The following TENM3 variants were observed in gnomAD, a reference collection of about 807,000 sequenced individuals.
TENM3 encodes teneurin-3.
A neutral mutation model predicts 255.1 loss-of-function variants in TENM3; 63 were observed. That is an observed-to-expected ratio of 0.25 (90% CI 0.20 to 0.30). The LOEUF (loss-of-function observed/expected upper bound fraction) is 0.30. Among genes scored for constraint, TENM3 ranks in the 10% least tolerant of loss-of-function variants. TENM3 has a pLI of 1.00. For missense variants in TENM3, 2,929 were observed against 3,461.1 expected, an observed-to-expected ratio of 0.85 and a Z score of 3.86; for synonymous variants, 1,306 against 1,322.3, an observed-to-expected ratio of 0.99 and a Z score of 0.27.
At chr4:182,442,959 A>G (rs1030481024) in intron 3 of TENM3, among the ~76,000 whole-genome samples, 1 of 151,926 alleles carries the variant, frequency 6.6e-6, no homozygotes, top group African/African-American at 2.4e-5. Flanking sequence ...TCCTGGGCTC[A>G]AATGATCCAT....
the TENM3 span, among the ~76,000 whole-genome samples, chr4:181,809,359 G>C: frequency 6.6e-6 from 1 of 152,162 alleles, no homozygotes; most frequent in Non-Finnish European, 1.5e-5. Flanking sequence ...CATAGGCCAT[G>C]AGTAACGTCA....
At chr4:182,031,651 C>G in the TENM3 span, among the ~76,000 whole-genome samples, 1 of 152,232 alleles carries the variant, frequency 6.6e-6, no homozygotes, top group South Asian at 2.1e-4. Context: ...GCAGTGTGGC[C>G]ATTTTCATGA....
chr4:181,670,101 T>C, the TENM3 span, among the ~76,000 whole-genome samples: 1 of 152,230 alleles, frequency 6.6e-6, no homozygotes, highest in Admixed American at 6.5e-5. Flanking sequence ...AAACAGCTTA[T>C]AATTTGACTT....
the TENM3 span, among the ~76,000 whole-genome samples, chr4:181,778,030 A>G: frequency 1.3e-5 from 2 of 152,128 alleles, no homozygotes; most frequent in East Asian, 1.9e-4. Flanking sequence ...AGAGCAATCC[A>G]TGTCTGCACA....
the TENM3 span, among the ~76,000 whole-genome samples, chr4:182,112,498 G>A: frequency 6.6e-6 from 1 of 152,134 alleles, no homozygotes; most frequent in Non-Finnish European, 1.5e-5. Flanking sequence ...ATTTCATTGG[G>A]TCTTCACAGA....
the TENM3 span, among the ~76,000 whole-genome samples, chr4:181,913,217 G>A: frequency 6.6e-6 from 1 of 152,162 alleles, no homozygotes; most frequent in Non-Finnish European, 1.5e-5. Context: ...AGCCGAGACA[G>A]GAAGGAGATC....
chr4:182,437,867 G>A (rs2151234004), intron 3 of TENM3, among the ~76,000 whole-genome samples: 1 of 151,736 alleles, frequency 6.6e-6, no homozygotes, highest in Admixed American at 6.6e-5. Flanking sequence ...TGGGAGGATT[G>A]CTTGAGCCCA....
chr4:182,726,376 A>ATGGCAGAAACCTTAAAGGTTTTTG (rs11271130), intron 13 of TENM3, among the ~76,000 whole-genome samples: 1 of 151,988 alleles, frequency 6.6e-6, no homozygotes, highest in African/African-American at 2.4e-5. Context: ...AGCGCAGCTT[A>ATGGCAGAAACCTTAAAGGTTTTTG]TGTCTGTGTC....
chr4:182,362,220 A>T (rs1158754509), intron 3 of TENM3, among the ~76,000 whole-genome samples: 1 of 150,308 alleles, frequency 6.7e-6, no homozygotes, highest in African/African-American at 2.4e-5. Flanking sequence ...CTCCAGCTGC[A>T]TGCTGGGAGA....
At chr4:181,726,530 C>T in the TENM3 span, among the ~76,000 whole-genome samples, 1 of 152,174 alleles carries the variant, frequency 6.6e-6, no homozygotes, top group Non-Finnish European at 1.5e-5. Flanking sequence ...TCACTTTCTT[C>T]CAGTCCCACA....
the TENM3 span, among the ~76,000 whole-genome samples, chr4:181,716,955 C>G: frequency 6.6e-6 from 1 of 152,138 alleles, no homozygotes; most frequent in African/African-American, 2.4e-5. Context: ...GGATTATTAG[C>G]ACATATTCTT....
upstream of TENM3, among the ~76,000 whole-genome samples, chr4:182,139,121 G>A (rs755377108): frequency 2.5e-4 from 38 of 152,122 alleles, no homozygotes; most frequent in Non-Finnish European, 4.0e-4. Context: ...GAGGCATAAG[G>A]TTGAGCCCCT....
chr4:182,613,977 C>G (rs1485486007), intron 4 of TENM3, among the ~76,000 whole-genome samples: 1 of 152,092 alleles, frequency 6.6e-6, no homozygotes, highest in Admixed American at 6.5e-5. Context: ...AATAGCACAT[C>G]AATTCAAAAG....
intron 12 of TENM3, among the ~76,000 whole-genome samples, chr4:182,696,009 A>G (rs1257472855): frequency 6.6e-6 from 1 of 152,226 alleles, no homozygotes; most frequent in Non-Finnish European, 1.5e-5. Context: ...GAATCACATG[A>G]GTGCACCAGA....
chr4:182,046,575 A>C, the TENM3 span, among the ~76,000 whole-genome samples: 1 of 150,712 alleles, frequency 6.6e-6, no homozygotes, highest in African/African-American at 2.5e-5. Flanking sequence ...AATAATAATA[A>C]TAATAACAAC....
chr4:181,765,880 A>G, the TENM3 span, among the ~76,000 whole-genome samples: 22 of 152,206 alleles, frequency 1.4e-4, no homozygotes, highest in African/African-American at 5.1e-4. Context: ...AAGAGGCACT[A>G]GTGTAATTTA....
the TENM3 span, among the ~76,000 whole-genome samples, chr4:181,619,569 A>G: frequency 6.6e-6 from 1 of 151,830 alleles, no homozygotes; most frequent in Non-Finnish European, 1.5e-5. Flanking sequence ...CCATAGGCAC[A>G]CACCACCATA....
chr4:182,567,753 T>A (rs1743935791), intron 3 of TENM3, among the ~76,000 whole-genome samples: 1 of 151,808 alleles, frequency 6.6e-6, no homozygotes, highest in Non-Finnish European at 1.5e-5. Context: ...TATTTTTTTT[T>A]TATATAAAAC....
chr4:181,565,176 T>TA, the TENM3 span, among the ~76,000 whole-genome samples: 2 of 152,336 alleles, frequency 1.3e-5, no homozygotes, highest in African/African-American at 4.8e-5. Flanking sequence ...TTCCCTGAGT[T>TA]AAAGACTGCT....
Sources: gnomAD v4.1 joint callset for allele counts (sites outside exome capture counted in the v4.1 genomes callset) on GRCh38, gnomAD v4.1.1 for gene constraint, MANE v1.5 for transcripts, NCBI Gene and HGNC (gene_info 2026-07-23, HGNC 2026-07-21) for gene names.